CMIP: variants seen among roughly 807,000 people sequenced by gnomAD.
CMIP encodes c-Maf inducing protein, also known as C-Maf-inducing protein.
In CMIP, 13 loss-of-function variants were observed where a neutral mutation model predicts 97.3. The ratio of observed to expected loss-of-function variants is 0.13; its 90% CI spans 0.09 to 0.21. The LOEUF (loss-of-function observed/expected upper bound fraction) is 0.21. CMIP is among the 10% of genes least tolerant of loss of function. The pLI is 1.00. For missense variants in CMIP, 847 were observed against 1,024.9 expected, an observed-to-expected ratio of 0.83 and a Z score of 2.37; for synonymous variants, 538 against 436.3, an observed-to-expected ratio of 1.23 and a Z score of -2.91.
intron 1 of CMIP, among the ~76,000 whole-genome samples, chr16:81,503,109 C>T (rs2089642916): frequency 6.6e-6 from 1 of 152,354 alleles, no homozygotes; most frequent in Admixed American, 6.5e-5. Flanking sequence ...AGCTAAAGAA[C>T]ACAGGCCCCG....
intron 1 of CMIP, among the ~76,000 whole-genome samples, chr16:81,482,460 C>T (rs1012234508): frequency 6.6e-6 from 1 of 152,064 alleles, no homozygotes; most frequent in Non-Finnish European, 1.5e-5. Context: ...GGAGGAGCTC[C>T]TGGAGGGGAG....
rs1446318689 is a variant in CMIP, at chr16:81,445,163, C to G, written c.-79C>G. On this transcript the variant is annotated 5_prime_UTR_variant, in exon 1 of 21. Coordinates refer to ENST00000537098, the MANE Select transcript of CMIP (RefSeq NM_198390.3). Reference sequence around the variant, plus strand: ...CGGGGGGTGGGGGGGTGCGGGCCGCCGGATCCGGGGGCCCCGCCGCCCCAG... The same window carrying G: ...CGGGGGGTGGGGGGGTGCGGGCCGCGGGATCCGGGGGCCCCGCCGCCCCAG... 5.5e-6 allele frequency: 5 copies of G among 905,930 alleles called. No homozygotes were observed. The highest frequency in any genetic ancestry group is 1.8e-5 in the African/African-American group (1 of 55,584). 56.1% of individuals were successfully genotyped at this position (905,930 alleles called of 1,614,324 possible).
At chr16:81,588,380 T>C (rs970281383) in intron 1 of CMIP, among the ~76,000 whole-genome samples, 1 of 152,196 alleles carries the variant, frequency 6.6e-6, no homozygotes, top group African/African-American at 2.4e-5. Flanking sequence ...CCCTTCCAGT[T>C]GATTCTCTGA....
intron 1 of CMIP, among the ~76,000 whole-genome samples, chr16:81,513,513 C>T (rs1229967076): frequency 1.3e-5 from 2 of 152,238 alleles, no homozygotes; most frequent in Admixed American, 6.5e-5. Context: ...ATAGAGCTGG[C>T]CTTTGTTTCT....
intron 1 of CMIP, among the ~76,000 whole-genome samples, chr16:81,488,762 C>T (rs1241152065): frequency 6.6e-6 from 1 of 152,188 alleles, no homozygotes; most frequent in Non-Finnish European, 1.5e-5. Flanking sequence ...ACTCTCCCCA[C>T]AGCTCCTGGC....
chr16:81,492,109 T>A (rs1029712712), intron 1 of CMIP, among the ~76,000 whole-genome samples: 1 of 152,220 alleles, frequency 6.6e-6, no homozygotes, highest in Non-Finnish European at 1.5e-5. Context: ...AAAGATCATT[T>A]GGAAAAATTC....
chr16:81,585,956 A>G (rs897635116), intron 1 of CMIP, among the ~76,000 whole-genome samples: 9 of 152,168 alleles, frequency 5.9e-5, no homozygotes, highest in Admixed American at 2.6e-4. Flanking sequence ...CTCCTGGAGC[A>G]TGGTGCCCAG....
intron 1 of CMIP, among the ~76,000 whole-genome samples, chr16:81,587,315 G>A (rs566468619): frequency 6.6e-6 from 1 of 152,342 alleles, no homozygotes; most frequent in Admixed American, 6.5e-5. Context: ...CACCACCTCT[G>A]CTCATTATAT....
At chr16:81,518,604 A>G (rs1238199926) in intron 1 of CMIP, 2 of 152,280 alleles carry the variant, frequency 1.3e-5, no homozygotes, top group South Asian at 2.1e-4. Context: ...GAGCAGCCCT[A>G]TGCAGTTGGC....
intron 1 of CMIP, among the ~76,000 whole-genome samples, chr16:81,461,947 A>C (rs1487614353): frequency 6.6e-6 from 1 of 152,240 alleles, no homozygotes; most frequent in East Asian, 1.9e-4. Flanking sequence ...TGAGCTGCAT[A>C]GGCAGTTCTC....
chr16:81,446,388 G>C (rs1228436082), intron 1 of CMIP, among the ~76,000 whole-genome samples: 1 of 152,038 alleles, frequency 6.6e-6, no homozygotes, highest in East Asian at 1.9e-4. Context: ...TGCAAATGGT[G>C]GCCTTCTTCG....
intron 1 of CMIP, among the ~76,000 whole-genome samples, chr16:81,554,555 C>T (rs906677980): frequency 2.0e-5 from 3 of 152,220 alleles, no homozygotes; most frequent in African/African-American, 7.2e-5. Flanking sequence ...TGCAGAATCC[C>T]AGACTGGCAA....
intron 1 of CMIP, among the ~76,000 whole-genome samples, chr16:81,563,966 G>A (rs1016177097): frequency 1.2e-4 from 19 of 152,356 alleles, no homozygotes; most frequent in East Asian, 7.7e-4. Flanking sequence ...TTCAGGGCCC[G>A]TCTTCCTGGG....
chr16:81,511,288 G>C (rs1414736497), intron 1 of CMIP, among the ~76,000 whole-genome samples: 1 of 152,182 alleles, frequency 6.6e-6, no homozygotes, highest in Non-Finnish European at 1.5e-5. Context: ...TCATGCCTAA[G>C]AAACTAACAA....
chr16:81,506,222 T>C (rs1290802768), intron 1 of CMIP, among the ~76,000 whole-genome samples: 1 of 152,170 alleles, frequency 6.6e-6, no homozygotes, highest in African/African-American at 2.4e-5. Context: ...CGAAGCTGAT[T>C]GGATCTAGGC....
Position 81,644,256 on chromosome 16 carries a change from A to G in CMIP, c.478-7947A>G, listed in dbSNP as rs9938366. On this transcript the variant is annotated intron_variant, in intron 3 of 20. Transcript: ENST00000537098. ...CTGGTGCCCATGTATTTCACTGGAA[A>G]TGTGCACAGATAATCGGGACAGTGT... Among the ~76,000 whole-genome samples, 390 of 152,358 alleles carry G rather than the reference A, an allele frequency of 2.6e-3. 2 individuals are homozygous for G. Among genetic ancestry groups the G allele is most frequent in the African/African-American group, 8.7e-3 (361 of 41,588 alleles).
chr16:81,485,892 A>G (rs934404463), intron 1 of CMIP, among the ~76,000 whole-genome samples: 3 of 152,194 alleles, frequency 2.0e-5, no homozygotes, highest in Non-Finnish European at 4.4e-5. Context: ...ACCATACTGT[A>G]GAGGTGGGAG....
At chr16:81,487,840 C>T (rs2089342501) in intron 1 of CMIP, among the ~76,000 whole-genome samples, 1 of 152,182 alleles carries the variant, frequency 6.6e-6, no homozygotes, top group Non-Finnish European at 1.5e-5. Context: ...CTTAGCCCAG[C>T]AGCATCTCAG....
chr16:81,463,509 T>C (rs1029791027), intron 1 of CMIP, among the ~76,000 whole-genome samples: 2 of 152,364 alleles, frequency 1.3e-5, no homozygotes, highest in Non-Finnish European at 2.9e-5. Context: ...GATTTGTTTT[T>C]ATGAGCGTGC....
Sources: allele counts gnomAD v4.1 joint callset (sites outside exome capture counted in the v4.1 genomes callset), GRCh38; gene constraint gnomAD v4.1.1; transcripts MANE v1.5; gene names NCBI Gene and HGNC (gene_info 2026-07-23, HGNC 2026-07-21).